KLHL5: variants seen among roughly 807,000 people sequenced by gnomAD.
KLHL5 encodes kelch like family member 5, also known as kelch-like protein 5.
KLHL5 carries 48 observed loss-of-function variants against 77.7 expected under a neutral mutation model. The observed-to-expected ratio is 0.62, with a 90% CI of 0.49 to 0.79. The LOEUF (loss-of-function observed/expected upper bound fraction) is 0.79. Ranked by LOEUF, KLHL5 falls within the 30% of genes least tolerant of loss-of-function variation. The probability of loss-of-function intolerance (pLI) is 0.00; values close to 1 mark genes in which losing one functional copy is unlikely to be tolerated. For synonymous variants in KLHL5, 260 were observed against 297.0 expected (o/e 0.88, Z 1.28); for missense variants, 723 against 859.7 (o/e 0.84, Z 1.99).
At chr4:39,076,969 G>A (rs986407349) in intron 2 of KLHL5, among the ~76,000 whole-genome samples, 8 of 150,822 alleles carry the variant, frequency 5.3e-5, no homozygotes, top group African/African-American at 1.9e-4. Context: ...AAGAAAGAAT[G>A]TCTGTAAGTT....
At chr4:39,077,745 C>G (rs917756894) in intron 2 of KLHL5, among the ~76,000 whole-genome samples, 2 of 149,548 alleles carry the variant, frequency 1.3e-5, no homozygotes, top group East Asian at 3.9e-4. Flanking sequence ...AAAAGTAGAT[C>G]TACCATTTGA....
At chr4:39,067,456 CA>C (rs5857654) in intron 1 of KLHL5, among the ~76,000 whole-genome samples, 114,742 of 151,932 alleles carry the variant, frequency 0.76, 43,338 homozygotes, top group East Asian at 0.82. Context: ...TTTTTGAACT[CA>C]AATTAAGTTG....
the KLHL5 span, among the ~76,000 whole-genome samples, chr4:39,137,768 G>A: frequency 7.9e-5 from 12 of 152,104 alleles, no homozygotes; most frequent in African/African-American, 2.9e-4. Flanking sequence ...AGACATTGTG[G>A]CCCAGTTGGA....
chr4:39,088,519 TTGTCCA>T (rs1720246429), intron 5 of KLHL5, among the ~76,000 whole-genome samples: 1 of 152,202 alleles, frequency 6.6e-6, no homozygotes, highest in African/African-American at 2.4e-5. Flanking sequence ...GTTCTGTGCC[TTGTCCA>T]CTAAACCATT....
chr4:39,094,503 A>G (rs527962161), intron 5 of KLHL5, among the ~76,000 whole-genome samples: 1 of 151,850 alleles, frequency 6.6e-6, no homozygotes, highest in African/African-American at 2.4e-5. Flanking sequence ...AACTGAATAA[A>G]TTTGTCTTAA....
the KLHL5 span, among the ~76,000 whole-genome samples, chr4:39,133,681 G>A: frequency 1.3e-5 from 2 of 151,694 alleles, no homozygotes; most frequent in Non-Finnish European, 2.9e-5. Context: ...CAAAGATAGA[G>A]AAAAATGCCC....
intron 1 of KLHL5, among the ~76,000 whole-genome samples, chr4:39,051,229 TA>T (rs910514277): frequency 3.9e-5 from 6 of 152,340 alleles, no homozygotes; most frequent in Admixed American, 1.3e-4. Context: ...GTAGCTTCAC[TA>T]GCAGAATTCC....
chr4:39,046,438 A>G (rs1203660469), intron 1 of KLHL5, among the ~76,000 whole-genome samples: 1 of 152,082 alleles, frequency 6.6e-6, no homozygotes, highest in Non-Finnish European at 1.5e-5. Context: ...AAAAGAGAAA[A>G]AGGAACAACA....
intron 2 of KLHL5, among the ~76,000 whole-genome samples, chr4:39,077,570 C>T (rs971068485): frequency 2.6e-5 from 4 of 151,536 alleles, no homozygotes; most frequent in African/African-American, 7.3e-5. Flanking sequence ...ATCATAAAAT[C>T]GAAAAATAAT....
At chr4:39,077,461 C>G (rs1167539515) in intron 2 of KLHL5, among the ~76,000 whole-genome samples, 2 of 143,338 alleles carry the variant, frequency 1.4e-5, no homozygotes, top group Admixed American at 1.4e-4. Flanking sequence ...GACTCCGTCT[C>G]AAAAAAAAAA....
intron 5 of KLHL5, among the ~76,000 whole-genome samples, chr4:39,096,342 A>C (rs1721065485): frequency 6.6e-6 from 1 of 152,130 alleles, no homozygotes; most frequent in African/African-American, 2.4e-5. Flanking sequence ...TTCTTCCATT[A>C]GAATTATTTC....
intron 1 of KLHL5, among the ~76,000 whole-genome samples, chr4:39,045,450 A>T (rs116724947): frequency 4.0e-5 from 6 of 151,312 alleles, no homozygotes; most frequent in Non-Finnish European, 8.8e-5. Context: ...GCTTTCCCGG[A>T]CTGTCCCTGC....
intron 1 of KLHL5, among the ~76,000 whole-genome samples, chr4:39,046,522 G>A (rs1716202692): frequency 6.6e-6 from 1 of 152,306 alleles, no homozygotes; most frequent in Non-Finnish European, 1.5e-5. Context: ...GCCGTGGCGA[G>A]CGGATCGCTT....
intron 4 of KLHL5, 101 bp from the exon 5 acceptor site, chr4:39,086,414 T>C (rs1330931202): frequency 8.2e-6 from 7 of 853,374 alleles, no homozygotes; most frequent in Non-Finnish European, 1.3e-5. Context: ...AAAATATAAA[T>C]TGTGTGTTGG....
chr4:39,141,104 G>A, the KLHL5 span, among the ~76,000 whole-genome samples: 1 of 152,030 alleles, frequency 6.6e-6, no homozygotes, highest in African/African-American at 2.4e-5. Flanking sequence ...AGGAGACAGG[G>A]TCAAAGGAAG....
At chr4:39,065,301 C>G (rs1717786276) in intron 1 of KLHL5, among the ~76,000 whole-genome samples, 1 of 151,802 alleles carries the variant, frequency 6.6e-6, no homozygotes, top group African/African-American at 2.4e-5. Flanking sequence ...AGTTGTTCAC[C>G]TACTGTAAAC....
At chr4:39,063,943 G>A (rs1422418911) in intron 1 of KLHL5, 2 of 152,218 alleles carry the variant, frequency 1.3e-5, no homozygotes, top group African/African-American at 2.4e-5. Flanking sequence ...ATCTTCATTC[G>A]AAAATATTTC....
chr4:39,093,123 T>C (rs1233615999), intron 5 of KLHL5: 1 of 455,924 alleles, frequency 2.2e-6, no homozygotes, highest in Admixed American at 2.3e-5. Flanking sequence ...AACTGGTGAA[T>C]GGATAGATAA....
chr4:39,102,578 C>G (rs1467534487), intron 6 of KLHL5, among the ~76,000 whole-genome samples: 3 of 151,992 alleles, frequency 2.0e-5, no homozygotes, highest in African/African-American at 7.2e-5. Context: ...TCCTGCCTCC[C>G]CACGAACCAT....
Sources: allele counts gnomAD v4.1 joint callset (sites outside exome capture counted in the v4.1 genomes callset), GRCh38; gene constraint gnomAD v4.1.1; transcripts MANE v1.5; gene names NCBI Gene and HGNC (gene_info 2026-07-23, HGNC 2026-07-21).